The following DIAPH2 variants were observed in gnomAD, a reference collection of about 807,000 sequenced individuals.
The protein encoded by DIAPH2 is protein diaphanous homolog 2.
A neutral mutation model predicts 92.7 loss-of-function variants in DIAPH2; 35 were observed. The ratio of observed to expected loss-of-function variants is 0.38; its 90% CI spans 0.29 to 0.50. The LOEUF is 0.50. Ranked by LOEUF, DIAPH2 falls within the 20% of genes least tolerant of loss-of-function variation. The pLI, the probability that DIAPH2 is intolerant of heterozygous loss-of-function variation, is 0.94. For missense variants in DIAPH2, 701 were observed against 819.5 expected (o/e 0.86, Z 1.77); for synonymous variants, 301 against 280.4 (o/e 1.07, Z -0.73).
intron 4 of DIAPH2, among the ~76,000 whole-genome samples, chrX:96,792,454 G>A (rs2064508426): frequency 2.7e-5 from 3 of 111,955 alleles, no homozygotes; most frequent in African/African-American, 6.5e-5. Flanking sequence ...ATCCTTCCCT[G>A]CCAGCAGTTG....
At chrX:97,017,216 G>C (rs758187675) in intron 17 of DIAPH2, among the ~76,000 whole-genome samples, 3 of 111,785 alleles carry the variant, frequency 2.7e-5, no homozygotes, top group Non-Finnish European at 5.6e-5. Flanking sequence ...TTTAATATAG[G>C]CCTTTGAGGA....
chrX:96,806,999 C>T (rs2064633208), intron 4 of DIAPH2, among the ~76,000 whole-genome samples: 1 of 112,098 alleles, frequency 8.9e-6, no homozygotes, highest in Admixed American at 9.4e-5. Flanking sequence ...GCCTCAGCCT[C>T]CTGAAGTGTA....
At chrX:96,880,258 A>C (rs1454647064) in intron 4 of DIAPH2, among the ~76,000 whole-genome samples, 1 of 111,788 alleles carries the variant, frequency 8.9e-6, no homozygotes, top group Non-Finnish European at 1.9e-5. Flanking sequence ...TGAGACAGAC[A>C]CAAATAATGA....
Position 97,372,468 on chromosome X carries a change from T to A in DIAPH2, c.3010-11441T>A, listed in dbSNP as rs191921598. 1.3e-4 allele frequency among the ~76,000 whole-genome samples: 15 copies of A among 112,081 alleles called. No individual in the cohort carries two copies. In the East Asian group the frequency reaches 4.2e-3, roughly 31 times the overall value. ...TTCCTAAGGAGGCTGAACAATAAGC[T>A]GGTTTTGCTGAATACAAGAGGGCTA... On this transcript the variant is annotated intron_variant, in intron 24 of 26. Transcript: ENST00000324765.
chrX:96,853,650 C>G (rs760916343), intron 4 of DIAPH2, among the ~76,000 whole-genome samples: 1 of 111,662 alleles, frequency 9.0e-6, no homozygotes, highest in South Asian at 3.7e-4. Context: ...GTCTTATTCT[C>G]TATTTTAGGA....
In DIAPH2 at chrX:97,596,480, A is replaced by G. The variant is rs146967157; in HGVS notation, c.3242-2773A>G. 7.6e-4 allele frequency among the ~76,000 whole-genome samples: 84 copies of G among 110,508 alleles called. No individual in the cohort carries two copies. In the East Asian group the frequency reaches 0.021, roughly 27 times the overall value. On this transcript the variant is annotated intron_variant, in intron 26 of 26. Transcript: ENST00000324765. ...TTGACTTTTTGAAGGAGAAGCCTGT[A>G]TTTTTTTCACTTAAACTATACTAGT...
intron 19 of DIAPH2, among the ~76,000 whole-genome samples, chrX:97,076,710 A>G (rs1268406398): frequency 2.7e-5 from 3 of 111,968 alleles, no homozygotes; most frequent in African/African-American, 9.7e-5. Flanking sequence ...GTAGGCTTAC[A>G]TTAAAGTTTA....
intron 23 of DIAPH2, among the ~76,000 whole-genome samples, chrX:97,315,829 A>G (rs1220788767): frequency 9.0e-6 from 1 of 111,309 alleles, no homozygotes; most frequent in Non-Finnish European, 1.9e-5. Flanking sequence ...TTGAGTATCA[A>G]ATGAGAGATG....
At chrX:97,048,232 C>A (rs1326578904) in intron 17 of DIAPH2, among the ~76,000 whole-genome samples, 1 of 111,094 alleles carries the variant, frequency 9.0e-6, no homozygotes, top group African/African-American at 3.3e-5. Context: ...TTCCTGCCTT[C>A]TTTCCTTCCA....
At chrX:96,821,388 C>T (rs2064776826) in intron 4 of DIAPH2, among the ~76,000 whole-genome samples, 2 of 111,206 alleles carry the variant, frequency 1.8e-5, no homozygotes, top group South Asian at 3.8e-4. Flanking sequence ...CTTTGGATTT[C>T]AGTCTCTGAC....
chrX:96,848,764 T>A (rs1238020314), intron 4 of DIAPH2, among the ~76,000 whole-genome samples: 9 of 112,389 alleles, frequency 8.0e-5, no homozygotes, highest in African/African-American at 2.6e-4. Context: ...TTACTGATGT[T>A]TTTTTTGGAA....
chrX:96,710,737 CG>C (rs1250989302), intron 1 of DIAPH2, among the ~76,000 whole-genome samples: 1 of 110,178 alleles, frequency 9.1e-6, no homozygotes, highest in Admixed American at 9.7e-5. Context: ...TTTGGGGGAA[CG>C]GGGGGTTTTT....
chrX:96,766,697 A>C (rs773624692), intron 4 of DIAPH2, among the ~76,000 whole-genome samples: 1 of 112,224 alleles, frequency 8.9e-6, no homozygotes, highest in African/African-American at 3.2e-5. Flanking sequence ...TTGGTCCAAA[A>C]ATGAGTGATA....
At position 96,945,579 on chromosome X, in the gene DIAPH2, G is replaced by A; in HGVS notation, c.1497G>A (p.Glu499=). 1 of 1,155,525 alleles carries A rather than the reference G, an allele frequency of 8.7e-7. No homozygotes were observed. Among genetic ancestry groups the A allele is most frequent in the Non-Finnish European group, 1.1e-6 (1 of 872,517 alleles). The change falls in exon 14 of 27, where the codon GAG becomes GAA. Residue 499 remains glutamate, a synonymous_variant. Transcript: ENST00000324765. ...AAGAAAGTGAACAAAAAGCTGCAGA[G>A]TTTTCAAAGAAGGTAAGCTTATAAA... The part of the protein sequence containing the change: ...KVEESEQKAA[E]FSKKFDEEFT...
chrX:96,690,216 C>T (rs1387393494), intron 1 of DIAPH2, among the ~76,000 whole-genome samples: 2 of 110,905 alleles, frequency 1.8e-5, no homozygotes, highest in Non-Finnish European at 3.8e-5. Flanking sequence ...CAGGAGACTT[C>T]ATATTATTGG....
chrX:97,438,357 T>G (rs1385600268), intron 26 of DIAPH2, among the ~76,000 whole-genome samples: 5 of 82,894 alleles, frequency 6.0e-5, no homozygotes, highest in African/African-American at 2.3e-4. Context: ...TTTTGTTTGT[T>G]TGTTTTTTTT....
chrX:97,351,780 G>A (rs1000622991), intron 24 of DIAPH2, among the ~76,000 whole-genome samples: 7 of 110,764 alleles, frequency 6.3e-5, no homozygotes, highest in African/African-American at 2.3e-4. Flanking sequence ...TCCAGCCTGG[G>A]CGACAGAGAG....
intron 26 of DIAPH2, among the ~76,000 whole-genome samples, chrX:97,498,576 G>A (rs1047039070): frequency 3.6e-5 from 4 of 111,797 alleles, no homozygotes; most frequent in Admixed American, 9.5e-5. Context: ...TCAGAAGAGA[G>A]TAGTACAACA....
intron 22 of DIAPH2, among the ~76,000 whole-genome samples, chrX:97,173,584 A>G (rs1364241669): frequency 9.0e-6 from 1 of 111,249 alleles, no homozygotes; most frequent in Non-Finnish European, 1.9e-5. Flanking sequence ...CACAAATCAT[A>G]AGTGTTCCGC....
Sources: gnomAD v4.1 joint callset for allele counts (sites outside exome capture counted in the v4.1 genomes callset) on GRCh38, gnomAD v4.1.1 for gene constraint, MANE v1.5 for transcripts, NCBI Gene and HGNC (gene_info 2026-07-23, HGNC 2026-07-21) for gene names.